Variants in USP28 observed in about 807,000 individuals in gnomAD.
USP28 encodes ubiquitin specific peptidase 28.
Under a neutral mutation model 145.0 loss-of-function variants are expected in USP28, and 113 were observed. The observed-to-expected ratio is 0.78, with a 90% CI of 0.67 to 0.91. The LOEUF (loss-of-function observed/expected upper bound fraction) is 0.91, where lower values mean the gene tolerates loss of function less well. Among genes scored for constraint, USP28 ranks in the 40% least tolerant of loss-of-function variants. The probability of loss-of-function intolerance (pLI) is 0.00; values close to 1 mark genes in which losing one functional copy is unlikely to be tolerated. For synonymous variants in USP28, 447 were observed against 450.9 expected (o/e 0.99, Z 0.11); for missense variants, 1,201 against 1,289.6 (o/e 0.93, Z 1.05).
rs1487375694 is a variant in USP28, at chr11:113,850,480, G to A, written c.268+2021C>T. Among the ~76,000 whole-genome samples, 7 of 152,232 alleles carry A rather than the reference G, an allele frequency of 4.6e-5. No homozygotes were observed. In the South Asian group the frequency reaches 6.2e-4, roughly 14 times the overall value. On this transcript the variant is annotated intron_variant, in intron 3 of 24. Coordinates refer to ENST00000003302, the Ensembl canonical transcript of USP28. ...AGTCTCAAAAAGAACAATGTTGACC[G>A]AAAAAAGTTGCAGTGTGTACCAAGA...
intron 12 of USP28, among the ~76,000 whole-genome samples, chr11:113,818,399 C>A (rs1221573790): frequency 6.6e-6 from 1 of 152,138 alleles, no homozygotes; most frequent in Non-Finnish European, 1.5e-5. Flanking sequence ...GATCCACCCG[C>A]CTTGGCCTCC....
chr11:113,854,023 C>A (rs1232470107), intron 2 of USP28, among the ~76,000 whole-genome samples: 1 of 152,006 alleles, frequency 6.6e-6, no homozygotes, highest in Non-Finnish European at 1.5e-5. Context: ...CTAAACAGTG[C>A]AACTGGTTGA....
chr11:113,875,460 T>C (rs1949286233), exon 1 of USP28: 1 of 1,241,940 alleles, frequency 8.1e-7, no homozygotes. Flanking sequence ...CGTGGCCGTC[T>C]GCCGCGCCGG....
rs908828849 is a variant in USP28, at chr11:113,829,489, T to C, written c.911-144A>G. Reference sequence around the variant, plus strand: ...GCACTTACGCCTTTATAGCAACCTCTAGTGAGCCAGTCAATCTAGACACTG... The same window carrying C: ...GCACTTACGCCTTTATAGCAACCTCCAGTGAGCCAGTCAATCTAGACACTG... On this transcript the variant is annotated intron_variant, in intron 9 of 24. Coordinates refer to ENST00000003302, the Ensembl canonical transcript of USP28. 5 of 916,698 alleles carry C rather than the reference T, an allele frequency of 5.5e-6. No individual in the cohort carries two copies. In the African/African-American group the frequency reaches 8.4e-5, roughly 15 times the overall value. The allele number at this position is 916,698 out of a possible 1,614,324, so 56.8% of individuals were successfully genotyped here.
intron 11 of USP28, among the ~76,000 whole-genome samples, chr11:113,826,622 T>G (rs893672992): frequency 1.3e-5 from 2 of 151,798 alleles, no homozygotes; most frequent in African/African-American, 4.8e-5. Context: ...CAGACTTTTA[T>G]AAAATTAAAA....
rs185825273 is a variant in USP28, at chr11:113,819,453, T to C, written c.1284-1616A>G. 1.2e-3 allele frequency among the ~76,000 whole-genome samples: 178 copies of C among 152,208 alleles called. 1 individual carries two copies. Among genetic ancestry groups the C allele is most frequent in the African/African-American group, 4.0e-3 (167 of 41,536 alleles). ...AAACTGTAAAAGTAATGCATGTACCTGGTACGAAAATTCAAATACAAAAAA... is the reference window on the plus strand; with the variant it reads ...AAACTGTAAAAGTAATGCATGTACCCGGTACGAAAATTCAAATACAAAAAA... On this transcript the variant is annotated intron_variant, in intron 12 of 24. Transcript: ENST00000003302.
chr11:113,855,858 C>T (rs1946992815), intron 1 of USP28, among the ~76,000 whole-genome samples: 1 of 152,176 alleles, frequency 6.6e-6, no homozygotes, highest in Admixed American at 6.5e-5. Flanking sequence ...TTGCAGTGAG[C>T]CAAGATCGCG....
chr11:113,829,314 G>A (rs1434856030), exon 10 of USP28: 1 of 1,614,104 alleles, frequency 6.2e-7, no homozygotes, highest in Admixed American at 1.7e-5. Flanking sequence ...GAGGATACTG[G>A]CCGAAGGTCT....
rs748213894 is a variant in USP28 at position 113,801,554 on chromosome 11, G to C, written c.2987C>G (p.Ser996Cys). Reference sequence around the variant, plus strand: ...CTCAATGGCATCCAGATCATCCTTGGAAATGTCATTATTAATGATAAGGTG... The same window carrying C: ...CTCAATGGCATCCAGATCATCCTTGCAAATGTCATTATTAATGATAAGGTG... The change falls in exon 24 of 25, where the codon TCC becomes TGC. Residue 996 changes from serine (S) to cysteine (C), a missense_variant. By Grantham distance (112) the Ser-to-Cys change is moderately radical. Transcript: ENST00000003302. The C allele has an allele frequency of 5.0e-6, 8 of 1,609,696 alleles. No homozygotes were observed. The highest frequency in any genetic ancestry group is 1.3e-5 in the African/African-American group (1 of 74,990).
chr11:113,854,468 C>A (rs765509201), intron 1 of USP28, 133 bp from the exon 2 acceptor site: 53 of 712,704 alleles, frequency 7.4e-5, no homozygotes, highest in Non-Finnish European at 1.0e-4. Flanking sequence ...GTGGCCGGAT[C>A]TCGGCTCACT....
intron 18 of USP28, 26 bp downstream of exon 19, chr11:113,807,925 A>C: frequency 9.8e-7 from 1 of 1,017,728 alleles, no homozygotes; most frequent in Non-Finnish European, 1.2e-6. Flanking sequence ...ACAACAAACA[A>C]CTATATCCTG....
At chr11:113,826,144 G>T (rs1198259770) in intron 11 of USP28, among the ~76,000 whole-genome samples, 5 of 151,764 alleles carry the variant, frequency 3.3e-5, no homozygotes, top group African/African-American at 7.3e-5. Flanking sequence ...TTAGCTGGGT[G>T]TGGTGGTGCG....
exon 13 of USP28, chr11:113,817,710 A>G (rs935490315): frequency 1.2e-6 from 2 of 1,614,116 alleles, no homozygotes; most frequent in Admixed American, 1.7e-5. Flanking sequence ...GAAAGTGGTA[A>G]TGTCATATGT....
chr11:113,843,004 G>A (rs563437029), intron 3 of USP28, among the ~76,000 whole-genome samples: 18 of 152,176 alleles, frequency 1.2e-4, no homozygotes, highest in Non-Finnish European at 8.8e-5. Flanking sequence ...GTCAAGATGG[G>A]AGGATCAGTT....
intron 1 of USP28, among the ~76,000 whole-genome samples, 183 bp downstream of exon 1, chr11:113,875,262 A>T (rs1011472778): frequency 6.6e-6 from 1 of 151,922 alleles, no homozygotes; most frequent in Non-Finnish European, 1.5e-5. Flanking sequence ...TGCAGTCCTC[A>T]ATCTCCGCGG....
In USP28 at chr11:113,823,603, A is replaced by G; in HGVS notation, c.1283+2T>C. 5 of 1,608,418 alleles carry G rather than the reference A, an allele frequency of 3.1e-6. No homozygotes were observed. Among genetic ancestry groups the G allele is most frequent in the Non-Finnish European group, 3.4e-6 (4 of 1,176,950 alleles). ...CTAAGCATGAAGGTGTCCAAAACTC[A>G]CCTTTCCAATTTTTGCTGCAGAATT... is the stretch of plus-strand genomic sequence containing the variant. On this transcript the variant is annotated splice_donor_variant, in intron 12 of 24. Transcript: ENST00000003302. LOFTEE classifies it high-confidence loss of function.
chr11:113,808,192 G>A (rs1461447545), intron 18 of USP28, 56 bp from the exon 19 acceptor site: 3 of 1,537,772 alleles, frequency 2.0e-6, no homozygotes, highest in Non-Finnish European at 2.6e-6. Context: ...ATAAATAGGG[G>A]TTGGTTAAAG....
At chr11:113,847,839 T>C (rs552731857) in intron 3 of USP28, among the ~76,000 whole-genome samples, 3 of 152,236 alleles carry the variant, frequency 2.0e-5, no homozygotes, top group Non-Finnish European at 4.4e-5. Context: ...TCACTGAATA[T>C]GCCCATTACC....
intron 5 of USP28, 56 bp from the exon 6 acceptor site, chr11:113,834,391 A>G (rs554370026): frequency 2.8e-5 from 35 of 1,234,088 alleles, no homozygotes; most frequent in Non-Finnish European, 2.9e-5. Context: ...CTGCAGCAAC[A>G]TATGTATTTT....
Sources: gnomAD v4.1 joint callset for allele counts (sites outside exome capture counted in the v4.1 genomes callset) on GRCh38, gnomAD v4.1.1 for gene constraint, MANE v1.5 for transcripts, NCBI Gene and HGNC (gene_info 2026-07-23, HGNC 2026-07-21) for gene names.